RGL1: variants seen among roughly 807,000 people sequenced by gnomAD.
RGL1 encodes ral guanine nucleotide dissociation stimulator like 1.
A neutral mutation model predicts 95.2 loss-of-function variants in RGL1; 24 were observed. The observed-to-expected ratio is 0.25, with a 90% CI of 0.18 to 0.35. The LOEUF is 0.35. Among genes scored for constraint, RGL1 ranks in the 10% least tolerant of loss-of-function variants. RGL1 has a pLI of 1.00. For synonymous variants in RGL1, 329 were observed against 344.9 expected (o/e 0.95, Z 0.51); for missense variants, 715 against 936.3 (o/e 0.76, Z 3.08).
chr1:183,846,364 AGGGGAACGTCACACATGGGGGCCTGTC>A (rs1214511734), intron 2 of RGL1, among the ~76,000 whole-genome samples: 1 of 151,038 alleles, frequency 6.6e-6, no homozygotes, highest in East Asian at 2.0e-4. Flanking sequence ...GGACACAGAG[AGGGGAACGTCACACATGGGGGCCTGTC>A]GGGGGTGGGG....
At chr1:183,636,532 T>A in intron 1 of RGL1, 1 of 196,468 alleles carries the variant, frequency 5.1e-6, no homozygotes, top group Non-Finnish European at 1.0e-5. Flanking sequence ...GAGGGGAACG[T>A]GTCCGGGCAG....
chr1:183,746,178 G>T (rs1657612898), intron 2 of RGL1, among the ~76,000 whole-genome samples: 1 of 151,994 alleles, frequency 6.6e-6, no homozygotes, highest in Non-Finnish European at 1.5e-5. Flanking sequence ...GTCTATATGT[G>T]AACTGTTTCA....
At chr1:183,653,786 C>G in intron 1 of RGL1, among the ~76,000 whole-genome samples, 1 of 152,210 alleles carries the variant, frequency 6.6e-6, no homozygotes, top group Non-Finnish European at 1.5e-5. Flanking sequence ...GTGGTTCCCT[C>G]CAGTTTAAGA....
intron 2 of RGL1, among the ~76,000 whole-genome samples, chr1:183,832,260 C>G (rs540825417): frequency 1.3e-5 from 2 of 152,268 alleles, no homozygotes; most frequent in African/African-American, 4.8e-5. Context: ...TAAGGATGAT[C>G]TGTACATTTA....
At chr1:183,823,564 T>C (rs994082121) in intron 2 of RGL1, among the ~76,000 whole-genome samples, 1 of 152,220 alleles carries the variant, frequency 6.6e-6, no homozygotes, top group African/African-American at 2.4e-5. Context: ...CCAGCAATAC[T>C]CGCCAGTTAA....
At chr1:183,653,019 A>G (rs1558135004) in intron 1 of RGL1, 1 of 152,378 alleles carries the variant, frequency 6.6e-6, no homozygotes, top group East Asian at 1.9e-4. Flanking sequence ...GCCCTTCACA[A>G]TCTGTGCACA....
intron 2 of RGL1, among the ~76,000 whole-genome samples, chr1:183,770,293 G>A (rs1436739567): frequency 1.3e-5 from 2 of 152,182 alleles, no homozygotes; most frequent in African/African-American, 4.8e-5. Flanking sequence ...AGGTGATCAG[G>A]AATGAAGTTG....
chr1:183,681,293 G>A (rs1174683), intron 1 of RGL1, among the ~76,000 whole-genome samples: 128,697 of 152,218 alleles, frequency 0.85, 54,848 homozygotes, highest in East Asian at 0.97. Flanking sequence ...CCCATTCAGT[G>A]TAATATTGGC....
intron 1 of RGL1, among the ~76,000 whole-genome samples, chr1:183,642,601 A>G (rs1349893837): frequency 6.6e-6 from 1 of 152,174 alleles, no homozygotes; most frequent in Non-Finnish European, 1.5e-5. Flanking sequence ...AAACCTTGTT[A>G]TTGTAATGAT....
chr1:183,822,012 A>G (rs2102460135), intron 2 of RGL1, among the ~76,000 whole-genome samples: 1 of 152,238 alleles, frequency 6.6e-6, no homozygotes, highest in Admixed American at 6.5e-5. Context: ...ACATGTCCTT[A>G]CAGTACAAAA....
intron 2 of RGL1, among the ~76,000 whole-genome samples, chr1:183,756,342 G>A (rs918110780): frequency 1.3e-5 from 2 of 152,112 alleles, no homozygotes; most frequent in Non-Finnish European, 2.9e-5. Context: ...TTCTGGATCA[G>A]GGAAAACTGT....
intron 1 of RGL1, among the ~76,000 whole-genome samples, chr1:183,706,442 G>A (rs375760164): frequency 4.6e-5 from 7 of 152,186 alleles, no homozygotes; most frequent in African/African-American, 1.7e-4. Flanking sequence ...GGTAGTTGCC[G>A]GGGTGTCTGT....
intron 1 of RGL1, among the ~76,000 whole-genome samples, chr1:183,694,941 C>T (rs1483990277): frequency 1.3e-5 from 2 of 152,198 alleles, no homozygotes; most frequent in Non-Finnish European, 2.9e-5. Flanking sequence ...GTAAGATCAG[C>T]CTTTTCCAAA....
At chr1:183,676,582 ACAGGG>A (rs1288235381) in intron 1 of RGL1, among the ~76,000 whole-genome samples, 2 of 151,678 alleles carry the variant, frequency 1.3e-5, no homozygotes, top group Non-Finnish European at 2.9e-5. Flanking sequence ...TCTAACTGAA[ACAGGG>A]GCAAGTAGAA....
chr1:183,872,983 A>G (rs1666272492), intron 4 of RGL1, among the ~76,000 whole-genome samples: 1 of 152,226 alleles, frequency 6.6e-6, no homozygotes, highest in Non-Finnish European at 1.5e-5. Context: ...AGAGTCTGGT[A>G]TTGTCTTTAA....
intron 4 of RGL1, among the ~76,000 whole-genome samples, chr1:183,870,370 G>A (rs531397697): frequency 1.1e-4 from 13 of 119,134 alleles, no homozygotes; most frequent in African/African-American, 2.5e-4. Context: ...GTTGTCTTCC[G>A]GCCAGGGTAG....
intron 1 of RGL1, among the ~76,000 whole-genome samples, chr1:183,727,639 T>C (rs1656386747): frequency 6.6e-6 from 1 of 152,142 alleles, no homozygotes; most frequent in South Asian, 2.1e-4. Flanking sequence ...GCACATAGGT[T>C]AGAGAGCTAC....
chr1:183,734,233 T>C (rs541204781), intron 1 of RGL1, among the ~76,000 whole-genome samples: 1 of 152,322 alleles, frequency 6.6e-6, no homozygotes, highest in South Asian at 2.1e-4. Context: ...CTGAATCCTT[T>C]CGAGAGCTCA....
intron 17 of RGL1, among the ~76,000 whole-genome samples, chr1:183,925,008 A>C (rs1004520422): frequency 3.9e-5 from 6 of 152,084 alleles, no homozygotes; most frequent in African/African-American, 1.4e-4. Context: ...AAATAAATAA[A>C]ATAAAACTGA....
Sources: allele counts gnomAD v4.1 joint callset (sites outside exome capture counted in the v4.1 genomes callset), GRCh38; gene constraint gnomAD v4.1.1; transcripts MANE v1.5; gene names NCBI Gene and HGNC (gene_info 2026-07-23, HGNC 2026-07-21).